Variants in LCE1F observed in about 807,000 individuals in gnomAD.
The protein encoded by LCE1F is late cornified envelope 1F, also known as late cornified envelope protein 1F.
For synonymous variants in LCE1F, 67 were observed against 59.9 expected (o/e 1.12, Z -0.55); for missense variants, 154 against 153.5 (o/e 1.00, Z -0.02).
rs554010131 is a variant in LCE1F, at chr1:152,776,437, CAAGTGCCCCACACCG to C, written c.76_90del (p.Thr26_Pro30del). 1.1e-3 allele frequency: 1,813 copies of C among 1,601,860 alleles called. 13 individuals are homozygous for C. In the African/African-American group the frequency reaches 0.022, roughly 19 times the overall value. ...CCAAGTGCACTCCCAAGTGCCCTCC[CAAGTGCCCCACACCG>C]AAGTGCCCCCCAAAGTGTCCCCCTA... On this transcript the variant is annotated inframe_deletion, in exon 2 of 2. Transcript: ENST00000334371.
At chr1:152,775,358 A>G (rs1274004069) in intron 1 of LCE1F, among the ~76,000 whole-genome samples, 168 bp downstream of exon 1, 1 of 151,104 alleles carries the variant, frequency 6.6e-6, no homozygotes, top group Non-Finnish European at 1.5e-5. Context: ...AATTGGAAAG[A>G]GGAGGTAGAG....
Position 152,776,532 on chromosome 1 carries a change from C to T in LCE1F, c.161C>T (p.Ser54Phe). ...GTCAGCTCCGGAGGCTGCTGTGGCTCCAGCTCTGGGGGCTGCTGCAGCTCT... is the reference window on the plus strand; with the variant it reads ...GTCAGCTCCGGAGGCTGCTGTGGCTTCAGCTCTGGGGGCTGCTGCAGCTCT... Reference protein sequence around the residue: ...CSVSSGGCCGSSSGGCCSSGG... With the variant: ...CSVSSGGCCGFSSGGCCSSGG... Residue 54 changes from serine to phenylalanine, a missense_variant, in exon 2 of 2, where the codon TCC becomes TTC. Physicochemically the swap from Ser to Phe is radical, Grantham distance 155 (BLOSUM62 -2). Coordinates refer to ENST00000334371, the MANE Select transcript of LCE1F (RefSeq NM_178354.3). 7 of 1,613,082 alleles carry T rather than the reference C, an allele frequency of 4.3e-6. No homozygotes were observed. In the South Asian group the frequency reaches 7.7e-5, roughly 18 times the overall value.
rs371875046 is a variant in LCE1F, at chr1:152,776,523, G to C, written c.152G>C (p.Cys51Ser). Residue 51 changes from cysteine (C) to serine (S), a missense_variant, in exon 2 of 2, where the codon TGC (cysteine) becomes TCC (serine). Transcript: ENST00000334371. ...TGCTGCAGCGTCAGCTCCGGAGGCT[G>C]CTGTGGCTCCAGCTCTGGGGGCTGC... ...SSCCSVSSGG[C>S]CGSSSGGCCS... 3.7e-5 allele frequency: 60 copies of C among 1,614,150 alleles called. No individual in the cohort carries two copies. The highest frequency in any genetic ancestry group is 4.9e-5 in the Non-Finnish European group (58 of 1,179,984).
In LCE1F at chr1:152,775,195, G is replaced by A. The variant is rs1651538142; in HGVS notation, c.-23+5G>A. On this transcript the variant is annotated splice_donor_5th_base_variant and intron_variant, in intron 1 of 1. Coordinates refer to ENST00000334371, the MANE Select transcript of LCE1F (RefSeq NM_178354.3). Reference sequence around the variant, plus strand: ...CCTGTGCTGCCTGTGATCCTGGTAAGTGTGCCCTGGAAAAAGGAGCAGGGG... The same window carrying A: ...CCTGTGCTGCCTGTGATCCTGGTAAATGTGCCCTGGAAAAAGGAGCAGGGG... 6.6e-6 allele frequency among the ~76,000 whole-genome samples: 1 copy of A among 152,242 alleles called. No individual in the cohort carries two copies. Among genetic ancestry groups the A allele is most frequent in the Non-Finnish European group, 1.5e-5 (1 of 68,042 alleles).
At chr1:152,776,266 G>C (rs1182751880) in intron 1 of LCE1F, 84 bp from the exon 2 acceptor site, 2 of 1,190,312 alleles carry the variant, frequency 1.7e-6, no homozygotes, top group Middle Eastern at 2.5e-4. Context: ...TCAAAATGAA[G>C]GATCTAGAAA....
rs200063389 is a variant in LCE1F, at chr1:152,776,344, C to T, written c.-22-6C>T. On this transcript the variant is annotated splice_polypyrimidine_tract_variant and splice_region_variant and intron_variant, in intron 1 of 1. Transcript: ENST00000334371. Reference sequence around the variant, plus strand: ...CCATCTAACTTGCTGTCTGACCCTCCTTCAGCTCCTGAACACCCGCCACCG... The same window carrying T: ...CCATCTAACTTGCTGTCTGACCCTCTTTCAGCTCCTGAACACCCGCCACCG... 17 of 1,611,022 alleles carry T rather than the reference C, an allele frequency of 1.1e-5. 1 individual carries two copies. Among genetic ancestry groups the T allele is most frequent in the Middle Eastern group, 3.3e-4 (2 of 6,054 alleles).
intron 1 of LCE1F, among the ~76,000 whole-genome samples, chr1:152,775,989 A>G (rs1218680514): frequency 6.6e-6 from 1 of 151,736 alleles, no homozygotes; most frequent in East Asian, 1.9e-4. Flanking sequence ...TCATCTCTAA[A>G]CTGGTCTCAA....
Position 152,776,522 on chromosome 1 carries a change from T to G in LCE1F, c.151T>G (p.Cys51Gly). 1.3e-6 allele frequency: 2 copies of G among 1,553,156 alleles called. No homozygotes were observed. The highest frequency in any genetic ancestry group is 1.8e-6 in the Non-Finnish European group (2 of 1,132,104). Residue 51 changes from cysteine (C) to glycine (G), a missense_variant, in exon 2 of 2, where the codon TGC (cysteine) becomes GGC (glycine). Transcript: ENST00000334371. The stretch of plus-strand genomic sequence containing the variant: ...CTGCTGCAGCGTCAGCTCCGGAGGC[T>G]GCTGTGGCTCCAGCTCTGGGGGCTG... ...SSCCSVSSGG[C>G]CGSSSGGCCS...
At position 152,776,392 on chromosome 1, in the gene LCE1F, G is replaced by T. The variant is rs757285668; in HGVS notation, c.21G>T (p.Gln7His). 6.2e-7 allele frequency: 1 copy of T among 1,613,716 alleles called. No homozygotes were observed. The highest frequency in any genetic ancestry group is 1.3e-5 in the African/African-American group (1 of 74,896). The change falls in exon 2 of 2, where the codon CAG becomes CAT. Residue 7 changes from glutamine to histidine, a missense_variant. Physicochemically the swap from Gln to His is conservative, Grantham distance 24. Coordinates refer to ENST00000334371, the MANE Select transcript of LCE1F (RefSeq NM_178354.3). Reference protein sequence around the residue: MSCQQSQQQCQPPPKCT... With the variant: MSCQQSHQQCQPPPKCT... ...CCGAGATGTCTTGCCAGCAGAGCCA[G>T]CAGCAGTGCCAGCCCCCTCCCAAGT...
rs1457148881 is a variant in LCE1F, at chr1:152,776,600, C to T, written c.229C>T (p.Leu77=). 4 of 1,600,734 alleles carry T rather than the reference C, an allele frequency of 2.5e-6. No individual in the cohort carries two copies. The highest frequency in any genetic ancestry group is 3.4e-6 in the Non-Finnish European group (4 of 1,173,294). Residue 77 remains leucine, a synonymous_variant, in exon 2 of 2, where the codon CTG becomes TTG. Transcript: ENST00000334371. ...CAGCTCTGGGGGAGGCGGCTGTTGC[C>T]TGAGCCACCACAGACGGCGTAGGTC... ...CCSSGGGGCC[L]SHHRRRRSHR...
chr1:152,776,030 T>C (rs1651582117), intron 1 of LCE1F, among the ~76,000 whole-genome samples: 1 of 152,180 alleles, frequency 6.6e-6, no homozygotes, highest in Non-Finnish European at 1.5e-5. Flanking sequence ...CTTGGTGATG[T>C]GATAGAATGA....
At position 152,776,583 on chromosome 1, in the gene LCE1F, G is replaced by C. The variant is rs202163217; in HGVS notation, c.212G>C (p.Gly71Ala). The C allele has an allele frequency of 6.2e-7, 1 of 1,610,164 alleles. No homozygotes were observed. The highest frequency in any genetic ancestry group is 8.5e-7 in the Non-Finnish European group (1 of 1,179,186). Residue 71 changes from glycine (G) to alanine (A), a missense_variant, in exon 2 of 2, where the codon GGG becomes GCG. Physicochemically the swap from Gly to Ala is moderately conservative, Grantham distance 60. Transcript: ENST00000334371. ...SSGGGGCCSS[G>A]GGGCCLSHHR... ...GGGGGTGGTGGCTGCTGCAGCTCTG[G>C]GGGAGGCGGCTGTTGCCTGAGCCAC...
In LCE1F at chr1:152,776,559, G is replaced by A. The variant is rs1353640275; in HGVS notation, c.188G>A (p.Gly63Glu). 1.9e-6 allele frequency: 3 copies of A among 1,613,850 alleles called. No individual in the cohort carries two copies. The highest frequency in any genetic ancestry group is 2.5e-6 in the Non-Finnish European group (3 of 1,179,838). ...GSSSGGCCSS[G>E]GGGCCSSGGG... ...AGCTCTGGGGGCTGCTGCAGCTCTG[G>A]GGGTGGTGGCTGCTGCAGCTCTGGG... Residue 63 changes from glycine to glutamate, a missense_variant, in exon 2 of 2, where the codon GGG (glycine) becomes GAG (glutamate). By Grantham distance (98) the Gly-to-Glu change is moderately conservative (BLOSUM62 -2). Transcript: ENST00000334371.
rs1651622833 is a variant in LCE1F, at chr1:152,776,847, G to T, written c.*119G>T. ...AAAGATTTCAAACTCTGTCCTGGAA[G>T]ATTCCTCCGACCTAGAATCCAGAAA... On this transcript the variant is annotated 3_prime_UTR_variant, in exon 2 of 2. Coordinates refer to ENST00000334371, the MANE Select transcript of LCE1F (RefSeq NM_178354.3). 8 of 1,231,780 alleles carry T rather than the reference G, an allele frequency of 6.5e-6. No individual in the cohort carries two copies. The highest frequency in any genetic ancestry group is 8.8e-6 in the Non-Finnish European group (8 of 904,272). The allele number at this position is 1,231,780 out of a possible 1,614,324, so 76.3% of individuals were successfully genotyped here. A position where few individuals can be genotyped will look rare whatever the true frequency, so the allele number is the denominator to read the frequency against.
At chr1:152,775,466 T>G (rs1449216181) in intron 1 of LCE1F, among the ~76,000 whole-genome samples, 1 of 152,248 alleles carries the variant, frequency 6.6e-6, no homozygotes. Flanking sequence ...AGTTGCTCAG[T>G]GTGTTTCTCT....
intron 1 of LCE1F, among the ~76,000 whole-genome samples, chr1:152,775,561 A>G (rs1220770300): frequency 6.6e-6 from 1 of 152,232 alleles, no homozygotes; most frequent in East Asian, 1.9e-4. Context: ...ATACAGACAT[A>G]CTCACTTTTA....
intron 1 of LCE1F, among the ~76,000 whole-genome samples, 93 bp downstream of exon 1, chr1:152,775,283 T>A (rs1651542328): frequency 6.7e-6 from 1 of 148,776 alleles, no homozygotes; most frequent in Non-Finnish European, 1.5e-5. Context: ...AGGGCAGGAG[T>A]AGAGTCTAGG....
In LCE1F at chr1:152,776,633, C is replaced by G; in HGVS notation, c.262C>G (p.His88Asp). The change falls in exon 2 of 2, where the codon CAC becomes GAC. Residue 88 changes from histidine to aspartate, a missense_variant. By Grantham distance (81) the His-to-Asp change is moderately conservative. Coordinates refer to ENST00000334371, the MANE Select transcript of LCE1F (RefSeq NM_178354.3). ...CCACAGACGGCGTAGGTCCCACCGC[C>G]ACAGACCCCAGAGCTCTGACTGCTG... ...SHHRRRRSHR[H>D]RPQSSDCCSQ... is the part of the protein sequence containing the mutation. The G allele has an allele frequency of 6.2e-7, 1 of 1,612,222 alleles. No individual in the cohort carries two copies. Among genetic ancestry groups the G allele is most frequent in the Non-Finnish European group, 8.5e-7 (1 of 1,179,560 alleles).
chr1:152,776,282 C>A, intron 1 of LCE1F, 68 bp from the exon 2 acceptor site: 1 of 1,337,712 alleles, frequency 7.5e-7, no homozygotes, highest in Non-Finnish European at 1.1e-6. Context: ...AGAAATAATG[C>A]AGAAAGGACA....
Sources: allele counts gnomAD v4.1 joint callset (sites outside exome capture counted in the v4.1 genomes callset), GRCh38; gene constraint gnomAD v4.1.1; transcripts MANE v1.5; gene names NCBI Gene and HGNC (gene_info 2026-07-23, HGNC 2026-07-21).